The following TECPR1 variants were observed in gnomAD, a reference collection of about 807,000 sequenced individuals.
The protein encoded by TECPR1 is tectonin beta-propeller repeat-containing protein 1.
Under a neutral mutation model 162.4 loss-of-function variants are expected in TECPR1, and 122 were observed. The ratio of observed to expected loss-of-function variants is 0.75; its 90% CI spans 0.65 to 0.87. The LOEUF is 0.87. Among genes scored for constraint, TECPR1 ranks in the 40% least tolerant of loss-of-function variants. The pLI is 0.00. For synonymous variants in TECPR1, 642 were observed against 670.6 expected (o/e 0.96, Z 0.66); for missense variants, 1,432 against 1,618.2 (o/e 0.88, Z 1.97).
intron 5 of TECPR1, 85 bp from the exon 6 acceptor site, chr7:98,243,677 G>A (rs1187639835): frequency 2.0e-5 from 30 of 1,496,876 alleles, no homozygotes; most frequent in South Asian, 2.5e-5. Flanking sequence ...CCTGCCATCC[G>A]GACTTCCATT....
intron 17 of TECPR1, 65 bp downstream of exon 17, chr7:98,227,949 C>T: frequency 7.3e-7 from 1 of 1,365,214 alleles, no homozygotes; most frequent in East Asian, 2.4e-5. Context: ...ATGTTGCTGT[C>T]CTATTTTTGC....
chr7:98,235,003 C>T (rs551358109), intron 10 of TECPR1, among the ~76,000 whole-genome samples: 26 of 152,114 alleles, frequency 1.7e-4, no homozygotes, highest in Non-Finnish European at 3.4e-4. Flanking sequence ...TGTGAGCTAC[C>T]GCACCCAGCC....
chr7:98,249,747 T>G (rs939436034), intron 2 of TECPR1, among the ~76,000 whole-genome samples: 11 of 152,092 alleles, frequency 7.2e-5, no homozygotes. Context: ...GCCAGGAGTT[T>G]GAGACCAGCC....
chr7:98,242,501 T>A (rs935332858), intron 6 of TECPR1, among the ~76,000 whole-genome samples: 6 of 145,344 alleles, frequency 4.1e-5, no homozygotes, highest in African/African-American at 1.5e-4. Context: ...CACCTATCCA[T>A]CTATCCATAC....
intron 2 of TECPR1, among the ~76,000 whole-genome samples, chr7:98,246,827 C>A (rs1798924429): frequency 6.6e-6 from 1 of 152,078 alleles, no homozygotes; most frequent in African/African-American, 2.4e-5. Flanking sequence ...AGGTGATCCA[C>A]CTGCCTCTGC....
At chr7:98,219,486 A>G (rs1050924863) in intron 23 of TECPR1, among the ~76,000 whole-genome samples, 3 of 152,256 alleles carry the variant, frequency 2.0e-5, no homozygotes, top group African/African-American at 7.2e-5. Context: ...AAACTATGCA[A>G]CTGACAAAGG....
rs756918028 is a variant in TECPR1, at chr7:98,238,506, C to T, written c.1035+3G>A. 100 of 1,557,784 alleles carry T rather than the reference C, an allele frequency of 6.4e-5. No homozygotes were observed. Among genetic ancestry groups the T allele is most frequent in the Non-Finnish European group, 8.5e-5 (98 of 1,151,016 alleles). ...TTTAGGGGCTGCAGACCCACGTGCA[C>T]ACCTGGTCGTTCATTCCCACGTTCA... On this transcript the variant is annotated splice_donor_region_variant and intron_variant, in intron 9 of 25. Transcript: ENST00000447648.
rs979589334 is a variant in TECPR1 at position 98,233,523 on chromosome 7, C to T, written c.1570G>A (p.Glu524Lys). The T allele has an allele frequency of 7.0e-6, 11 of 1,573,750 alleles. No individual in the cohort carries two copies. The highest frequency in any genetic ancestry group is 9.5e-6 in the Non-Finnish European group (11 of 1,163,568). ...GGGTGGTCATCCACCCCATACGGCT[C>T]CTCCAAGCCCAGTGGGAGGAGCCCC... Reference protein sequence around the residue: ...SLGLLPLGLEEPYGVDDHPLW... With the variant: ...SLGLLPLGLEKPYGVDDHPLW... The change falls in exon 11 of 26, where the codon GAG becomes AAG. Residue 524 changes from glutamate (E) to lysine (K), a missense_variant. Coordinates refer to ENST00000447648, the MANE Select transcript of TECPR1 (RefSeq NM_015395.3).
chr7:98,229,255 G>A, intron 15 of TECPR1, 89 bp from the exon 16 acceptor site: 1 of 1,479,524 alleles, frequency 6.8e-7, no homozygotes, highest in Non-Finnish European at 9.1e-7. Flanking sequence ...GTCCTCCTGT[G>A]GTTCTGGGAT....
rs1798250999 is a variant in TECPR1, at chr7:98,225,213, A to G, written c.2514-111T>C. 3 of 996,322 alleles carry G rather than the reference A, an allele frequency of 3.0e-6. No individual in the cohort carries two copies. In the South Asian group the frequency reaches 4.3e-5, roughly 14 times the overall value. The allele number at this position is 996,322 out of a possible 1,614,324, so 61.7% of individuals were successfully genotyped here. ...AGCACCGAGCTCCAGTCTCAGAGCC[A>G]GCCACCTCCAGGCACTCGCACTCCT... is the stretch of plus-strand genomic sequence containing the variant. On this transcript the variant is annotated intron_variant, in intron 17 of 25. Transcript: ENST00000447648.
At chr7:98,223,582 G>A in intron 20 of TECPR1, 80 bp downstream of exon 20, 1 of 1,485,886 alleles carries the variant, frequency 6.7e-7, no homozygotes, top group Non-Finnish European at 9.3e-7. Context: ...TCTGGCCCGG[G>A]GTGCAGGGAA....
Position 98,232,792 on chromosome 7 carries a change from A to T in TECPR1, c.1818+35T>A. The T allele has an allele frequency of 6.6e-7, 1 of 1,508,154 alleles. No individual in the cohort carries two copies. Among genetic ancestry groups the T allele is most frequent in the African/African-American group, 1.4e-5 (1 of 71,138 alleles). 93.4% of individuals were successfully genotyped at this position (1,508,154 alleles called of 1,614,324 possible). On this transcript the variant is annotated intron_variant, in intron 12 of 25. Coordinates refer to ENST00000447648, the MANE Select transcript of TECPR1 (RefSeq NM_015395.3). This position sits in a 1 kb window ranked among gnomAD's most constrained non-coding sequence, Gnocchi z 4.6. Reference sequence around the variant, plus strand: ...CTCAATGAATGATTGCTGGAAAAAAAAAAAAAATGCATGCGCAGCCACCGG... The same window carrying T: ...CTCAATGAATGATTGCTGGAAAAAATAAAAAAATGCATGCGCAGCCACCGG...
chr7:98,233,940 C>T, intron 10 of TECPR1, 29 bp from the exon 11 acceptor site: 2 of 1,487,778 alleles, frequency 1.3e-6, no homozygotes, highest in Non-Finnish European at 1.8e-6. Context: ...AGACCCATCA[C>T]TCCCTTGCAG....
intron 16 of TECPR1, chr7:98,228,488 G>A (rs1798335921): frequency 3.9e-6 from 1 of 259,140 alleles, no homozygotes; most frequent in Non-Finnish European, 7.7e-6. Flanking sequence ...CGTAACCTCC[G>A]TGAGCCCCGG....
intron 17 of TECPR1, among the ~76,000 whole-genome samples, chr7:98,225,471 G>A (rs1798257246): frequency 6.6e-6 from 1 of 151,684 alleles, no homozygotes; most frequent in African/African-American, 2.4e-5. Flanking sequence ...GGAGGCGGAG[G>A]TTGCAGTGAG....
At position 98,221,812 on chromosome 7, in the gene TECPR1, G is replaced by GGGCTGTGGGCCTCGGTCCCCAGCTGC. The variant is rs1798150044; in HGVS notation, c.3065-85_3065-60dup. 2.1e-6 allele frequency: 3 copies of GGGCTGTGGGCCTCGGTCCCCAGCTGC among 1,418,626 alleles called. No homozygotes were observed. The African/African-American group carries it at 4.3e-5, about 20-fold the overall frequency. 87.9% of individuals were successfully genotyped at this position (1,418,626 alleles called of 1,614,324 possible). ...TTCTCCTCCTTGCATGGGCCAGGTGGGGCTGTGGGCCTCGGTCCCCAGCTG... is the reference window on the plus strand; with the variant it reads ...TTCTCCTCCTTGCATGGGCCAGGTGGGGCTGTGGGCCTCGGTCCCCAGCTGCGGCTGTGGGCCTCGGTCCCCAGCTG... On this transcript the variant is annotated intron_variant, in intron 22 of 25. Transcript: ENST00000447648.
At chr7:98,235,838 A>C (rs201568968) in intron 10 of TECPR1, among the ~76,000 whole-genome samples, 4 of 65,606 alleles carry the variant, frequency 6.1e-5, no homozygotes, top group South Asian at 4.7e-4. Context: ...AAAAAAAAAA[A>C]AAAAAAAAAA....
rs1798355445 is a variant in TECPR1 at position 98,229,135 on chromosome 7, T to A, written c.2314A>T (p.Met772Leu). The A allele has an allele frequency of 1.3e-6, 2 of 1,564,344 alleles. No homozygotes were observed. The highest frequency in any genetic ancestry group is 1.4e-5 in the African/African-American group (1 of 73,522). ...ACGCCCCGGCTGTTGGCCTCCACCA[T>A]CCGCAGGTGGCCTCCCATCTGCCGC... ...FWRQMGGHLR[M>L]VEANSRGVVW... The change falls in exon 16 of 26, where the codon ATG (methionine) becomes TTG (leucine). Residue 772 changes from methionine to leucine, a missense_variant. Coordinates refer to ENST00000447648, the MANE Select transcript of TECPR1 (RefSeq NM_015395.3).
chr7:98,229,269 C>G, intron 15 of TECPR1, 103 bp from the exon 16 acceptor site: 2 of 1,446,032 alleles, frequency 1.4e-6, no homozygotes, highest in East Asian at 5.0e-5. Flanking sequence ...CTGGGATTTT[C>G]CCAGCCCTCG....
Sources: gnomAD v4.1 joint callset for allele counts (sites outside exome capture counted in the v4.1 genomes callset) on GRCh38, gnomAD v4.1.1 for gene constraint, Gnocchi (gnomAD v3.1) non-coding constraint, MANE v1.5 for transcripts, NCBI Gene and HGNC (gene_info 2026-07-23, HGNC 2026-07-21) for gene names.